Variants in MGAT4A observed in about 807,000 individuals in gnomAD.
MGAT4A encodes the protein alpha-1,3-mannosyl-glycoprotein 4-beta-N-acetylglucosaminyltransferase A, also known as N-acetylglucosaminyltransferase IVa.
In MGAT4A, 33 loss-of-function variants were observed where a neutral mutation model predicts 74.1. The observed-to-expected ratio is 0.45, with a 90% CI of 0.34 to 0.60. The LOEUF (loss-of-function observed/expected upper bound fraction) is 0.60, where lower values mean the gene tolerates loss of function less well. Among genes scored for constraint, MGAT4A ranks in the 20% least tolerant of loss-of-function variants. MGAT4A has a pLI of 0.02. For missense variants in MGAT4A, 479 were observed against 628.3 expected (o/e 0.76, Z 2.54); for synonymous variants, 198 against 210.4 (o/e 0.94, Z 0.51).
chr2:98,634,390 G>A (rs1025977598), intron 14 of MGAT4A, among the ~76,000 whole-genome samples: 5 of 152,138 alleles, frequency 3.3e-5, no homozygotes, highest in African/African-American at 9.7e-5. Flanking sequence ...GTGGCTGCCC[G>A]GAGAGTGTGG....
At chr2:98,638,066 G>C (rs1218662081) in intron 12 of MGAT4A, among the ~76,000 whole-genome samples, 1 of 152,128 alleles carries the variant, frequency 6.6e-6, no homozygotes, top group East Asian at 1.9e-4. Context: ...TCCTACAGCT[G>C]CGTGTGAATC....
chr2:98,692,115 G>A (rs1702204691), intron 2 of MGAT4A, among the ~76,000 whole-genome samples: 1 of 152,048 alleles, frequency 6.6e-6, no homozygotes, highest in South Asian at 2.1e-4. Flanking sequence ...CATTTTTTGA[G>A]ACAGGGTCTC....
intron 4 of MGAT4A, among the ~76,000 whole-genome samples, chr2:98,667,127 G>A (rs1372019214): frequency 2.0e-5 from 3 of 151,042 alleles, no homozygotes; most frequent in African/African-American, 7.3e-5. Context: ...CACATAAGAT[G>A]TGACTTGCTC....
intron 2 of MGAT4A, among the ~76,000 whole-genome samples, chr2:98,692,740 T>C (rs1702212114): frequency 6.6e-6 from 1 of 152,220 alleles, no homozygotes; most frequent in Non-Finnish European, 1.5e-5. Flanking sequence ...TATAGGTTTG[T>C]AGCCTAGGAG....
intron 2 of MGAT4A, among the ~76,000 whole-genome samples, chr2:98,706,704 C>T (rs1417959717): frequency 6.7e-6 from 1 of 150,360 alleles, no homozygotes; most frequent in Non-Finnish European, 1.5e-5. Flanking sequence ...TTTTTAGATA[C>T]ATAAAATTAT....
chr2:98,671,677 C>T (rs1009235968), intron 4 of MGAT4A, among the ~76,000 whole-genome samples: 6 of 152,102 alleles, frequency 3.9e-5, no homozygotes, highest in African/African-American at 9.7e-5. Flanking sequence ...GATGTCCATG[C>T]CGTAATTCCT....
chr2:98,641,671 G>A (rs1190459036), intron 10 of MGAT4A, among the ~76,000 whole-genome samples: 2 of 149,120 alleles, frequency 1.3e-5, no homozygotes, highest in Non-Finnish European at 3.0e-5. Flanking sequence ...GCGAGACTCC[G>A]TCTCACAAAA....
chr2:98,622,124 C>T lies in MGAT4A; in HGVS notation c.*3442G>A. On this transcript the variant is annotated 3_prime_UTR_variant, in exon 16 of 16. Coordinates refer to ENST00000393487, the MANE Select transcript of MGAT4A (RefSeq NM_012214.3). ...TCTTAGAATCCTAGAAATGGGTCCT[C>T]AGCTTTCTCTTCTCACCCAAAATAT... 1.0e-6 allele frequency: 1 copy of T among 985,436 alleles called. No homozygotes were observed. Among genetic ancestry groups the T allele is most frequent in the South Asian group, 4.7e-5 (1 of 21,290 alleles). The allele number at this position is 985,436 out of a possible 1,614,324, so 61.0% of individuals were successfully genotyped here.
At chr2:98,691,438 C>CA (rs111542304) in intron 2 of MGAT4A, among the ~76,000 whole-genome samples, 35,928 of 144,402 alleles carry the variant, frequency 0.25, 4,955 homozygotes, top group Non-Finnish European at 0.33. Context: ...AGCTCTGTCT[C>CA]AAAAAAAAAA....
At chr2:98,668,445 T>C (rs1335118595) in intron 4 of MGAT4A, among the ~76,000 whole-genome samples, 1 of 152,208 alleles carries the variant, frequency 6.6e-6, no homozygotes, top group East Asian at 1.9e-4. Context: ...AAGTCAATAA[T>C]GGGGAACCTC....
At chr2:98,646,203 AT>A (rs569162180) in intron 8 of MGAT4A, among the ~76,000 whole-genome samples, 79 of 151,542 alleles carry the variant, frequency 5.2e-4, no homozygotes, top group South Asian at 1.3e-3. Flanking sequence ...CAAACGTGTG[AT>A]TTTTTTTTCC....
chr2:98,621,678 C>CCACAAATA lies in MGAT4A; in HGVS notation c.*3880_*3887dup. 7.0e-7 allele frequency: 1 copy of CCACAAATA among 1,424,466 alleles called. No individual in the cohort carries two copies. Among genetic ancestry groups the CCACAAATA allele is most frequent in the Non-Finnish European group, 9.2e-7 (1 of 1,090,360 alleles). 88.2% of individuals were successfully genotyped at this position (1,424,466 alleles called of 1,614,324 possible). On this transcript the variant is annotated 3_prime_UTR_variant, in exon 16 of 16. Transcript: ENST00000393487. The stretch of plus-strand genomic sequence containing the variant: ...GGGGTCATTCTTAGAAATTTGCCTA[C>CCACAAATA]CACAAATATACACTGTTATTCACTA...
chr2:98,625,052 C>CA lies in MGAT4A; in HGVS notation c.*513dup. The CA allele has an allele frequency of 1.0e-6, 1 of 980,778 alleles. No homozygotes were observed. The highest frequency in any genetic ancestry group is 1.2e-6 in the Non-Finnish European group (1 of 825,730). 60.8% of individuals were successfully genotyped at this position (980,778 alleles called of 1,614,324 possible). A position where few individuals can be genotyped will look rare whatever the true frequency, so the allele number is the denominator to read the frequency against. On this transcript the variant is annotated 3_prime_UTR_variant, in exon 16 of 16. Transcript: ENST00000393487. The stretch of plus-strand genomic sequence containing the variant: ...TTAAAAAAGCAAGGAAACTGGTTTT[C>CA]AAAAAAAGTATCGATTCAAAAATCT...
chr2:98,624,484 G>T lies in MGAT4A; in HGVS notation c.*1082C>A, dbSNP rs1701114523. On this transcript the variant is annotated 3_prime_UTR_variant, in exon 16 of 16. Transcript: ENST00000393487. ...GTTCATACTACAATAAAATCATTTT[G>T]GAAAATATACTACTAATAATATATT... 1 of 972,398 alleles carries T rather than the reference G, an allele frequency of 1.0e-6. No homozygotes were observed. The highest frequency in any genetic ancestry group is 1.2e-6 in the Non-Finnish European group (1 of 818,334). The allele number at this position is 972,398 out of a possible 1,614,324, so 60.2% of individuals were successfully genotyped here.
chr2:98,623,578 G>GA lies in MGAT4A; in HGVS notation c.*1987dup. 1 of 985,038 alleles carries GA rather than the reference G, an allele frequency of 1.0e-6. No individual in the cohort carries two copies. Among genetic ancestry groups the GA allele is most frequent in the Non-Finnish European group, 1.2e-6 (1 of 829,794 alleles). The allele number at this position is 985,038 out of a possible 1,614,324, so 61.0% of individuals were successfully genotyped here. On this transcript the variant is annotated 3_prime_UTR_variant, in exon 16 of 16. Transcript: ENST00000393487. ...GCACTGGGCCAAGGAAATTTGAGAAGAAAAAAATTCAAGAAAGTGAAAAGT... is the reference window on the plus strand; with the variant it reads ...GCACTGGGCCAAGGAAATTTGAGAAGAAAAAAAATTCAAGAAAGTGAAAAGT...
intron 8 of MGAT4A, among the ~76,000 whole-genome samples, chr2:98,646,020 G>A (rs759912062): frequency 7.2e-5 from 11 of 152,090 alleles, no homozygotes; most frequent in East Asian, 3.9e-4. Context: ...GCTATTTTAC[G>A]TATATTACAG....
intron 14 of MGAT4A, among the ~76,000 whole-genome samples, chr2:98,627,852 T>C (rs531087884): frequency 3.2e-4 from 49 of 152,318 alleles, no homozygotes; most frequent in African/African-American, 1.1e-3. Context: ...CTGACAAAAA[T>C]TCACAGCATT....
chr2:98,705,672 G>A (rs1485105837), intron 2 of MGAT4A, among the ~76,000 whole-genome samples: 2 of 152,116 alleles, frequency 1.3e-5, no homozygotes, highest in Admixed American at 6.5e-5. Context: ...GGCCGGGCGC[G>A]GTGGCTCACG....
At chr2:98,717,564 T>C (rs1477557689) in intron 2 of MGAT4A, among the ~76,000 whole-genome samples, 2 of 152,130 alleles carry the variant, frequency 1.3e-5, no homozygotes, top group Non-Finnish European at 2.9e-5. Context: ...AATCTTTTGG[T>C]TTCGAAAATT....
Sources: allele counts gnomAD v4.1 joint callset (sites outside exome capture counted in the v4.1 genomes callset), GRCh38; gene constraint gnomAD v4.1.1; transcripts MANE v1.5; gene names NCBI Gene and HGNC (gene_info 2026-07-23, HGNC 2026-07-21).